The following CSNK1G1 variants were observed in gnomAD, a reference collection of about 807,000 sequenced individuals.
The protein encoded by CSNK1G1 is casein kinase 1 gamma 1, also known as casein kinase I isoform gamma-1.
Under a neutral mutation model 59.6 loss-of-function variants are expected in CSNK1G1, and 22 were observed. The ratio of observed to expected loss-of-function variants is 0.37; its 90% CI spans 0.26 to 0.53. The LOEUF (loss-of-function observed/expected upper bound fraction) is 0.53. Among genes scored for constraint, CSNK1G1 ranks in the 20% least tolerant of loss-of-function variants. CSNK1G1 has a pLI of 0.89. For synonymous variants in CSNK1G1, 179 were observed against 177.1 expected (o/e 1.01, Z -0.08); for missense variants, 384 against 519.5 (o/e 0.74, Z 2.54).
intron 1 of CSNK1G1, among the ~76,000 whole-genome samples, chr15:64,348,736 G>A (rs1233922676): frequency 6.6e-6 from 1 of 152,152 alleles, no homozygotes; most frequent in Non-Finnish European, 1.5e-5. Flanking sequence ...AAGCTAAAAT[G>A]AGATCTGGTG....
chr15:64,286,814 T>C (rs1207712315), intron 2 of CSNK1G1, among the ~76,000 whole-genome samples: 1 of 152,202 alleles, frequency 6.6e-6, no homozygotes, highest in African/African-American at 2.4e-5. Flanking sequence ...AATAGTATAA[T>C]ATTAAACTTC....
chr15:64,348,613 A>T (rs1898102281), intron 1 of CSNK1G1, among the ~76,000 whole-genome samples: 2 of 152,208 alleles, frequency 1.3e-5, no homozygotes, highest in South Asian at 4.1e-4. Flanking sequence ...TCCTGGCATT[A>T]GTCATTTCTC....
intron 1 of CSNK1G1, among the ~76,000 whole-genome samples, chr15:64,354,176 G>C (rs182139139): frequency 6.6e-6 from 1 of 152,080 alleles, no homozygotes; most frequent in East Asian, 1.9e-4. Context: ...GTAGTGGCAG[G>C]CGCCTGTGAT....
intron 10 of CSNK1G1, among the ~76,000 whole-genome samples, chr15:64,201,633 C>T (rs534298706): frequency 2.0e-5 from 3 of 152,006 alleles, no homozygotes; most frequent in Non-Finnish European, 4.4e-5. Context: ...TTCTTACCCA[C>T]CAAACCACAT....
At position 64,176,153 on chromosome 15, in the gene CSNK1G1, G is replaced by C; in HGVS notation, c.1215-4168C>G. On this transcript the variant is annotated intron_variant, in intron 11 of 11. Transcript: ENST00000303052. This position sits in a 1 kb window ranked among gnomAD's most constrained non-coding sequence, Gnocchi z 5.2. ...CCCAGTCAGGGTGGTTATGGCACAA[G>C]GAGTCCTATGGAAGCTATTTAATGT... The C allele has an allele frequency of 2.5e-6, 1 of 398,208 alleles. No individual in the cohort carries two copies. 24.7% of individuals were successfully genotyped at this position (398,208 alleles called of 1,614,324 possible).
chr15:64,184,256 T>G (rs1227310315), intron 10 of CSNK1G1, among the ~76,000 whole-genome samples: 1 of 151,788 alleles, frequency 6.6e-6, no homozygotes, highest in Non-Finnish European at 1.5e-5. Flanking sequence ...TGAGCAGAGA[T>G]CATGCCACTG....
At chr15:64,336,038 C>T (rs2140466407) in intron 1 of CSNK1G1, among the ~76,000 whole-genome samples, 1 of 152,234 alleles carries the variant, frequency 6.6e-6, no homozygotes, top group Middle Eastern at 3.4e-3. Context: ...CATCTTAATT[C>T]ATATATCCAT....
chr15:64,198,239 G>A (rs60011406), intron 10 of CSNK1G1, among the ~76,000 whole-genome samples: 7 of 134,182 alleles, frequency 5.2e-5, no homozygotes, highest in African/African-American at 1.2e-4. Flanking sequence ...CTGCTGCCCC[G>A]GCTGGAGTGC....
At chr15:64,348,946 A>G (rs778015076) in intron 1 of CSNK1G1, among the ~76,000 whole-genome samples, 5 of 152,066 alleles carry the variant, frequency 3.3e-5, no homozygotes, top group Non-Finnish European at 7.4e-5. Flanking sequence ...AGCCTGGCCA[A>G]CGTGGTGAAA....
intron 11 of CSNK1G1, among the ~76,000 whole-genome samples, chr15:64,177,187 A>G (rs768921954): frequency 6.6e-6 from 1 of 152,150 alleles, no homozygotes; most frequent in African/African-American, 2.4e-5. Context: ...CAAAATCAAA[A>G]GCCTGAAAGT....
At chr15:64,354,343 AT>A (rs1276246580) in intron 1 of CSNK1G1, among the ~76,000 whole-genome samples, 4 of 152,086 alleles carry the variant, frequency 2.6e-5, no homozygotes, top group African/African-American at 9.7e-5. Context: ...AGTACCTTCT[AT>A]TTTACACCCC....
At chr15:64,311,017 A>G (rs985322799) in intron 1 of CSNK1G1, among the ~76,000 whole-genome samples, 2 of 151,172 alleles carry the variant, frequency 1.3e-5, no homozygotes, top group Non-Finnish European at 2.9e-5. Context: ...AAAAAAAAAA[A>G]AGGAAAAAAG....
intron 1 of CSNK1G1, among the ~76,000 whole-genome samples, chr15:64,321,248 TC>T (rs1187804483): frequency 6.6e-6 from 1 of 151,798 alleles, no homozygotes; most frequent in Non-Finnish European, 1.5e-5. Context: ...GCATTTTTTT[TC>T]TTTTTTTCCT....
At chr15:64,193,663 C>T (rs2082003055) in intron 10 of CSNK1G1, among the ~76,000 whole-genome samples, 2 of 152,082 alleles carry the variant, frequency 1.3e-5, no homozygotes, top group Admixed American at 1.3e-4. Flanking sequence ...GTTTAAAAAT[C>T]ACTGACAACA....
chr15:64,216,613 G>T lies in CSNK1G1; in HGVS notation c.393C>A (p.Leu131=). 1.9e-6 allele frequency: 3 copies of T among 1,613,970 alleles called. No individual in the cohort carries two copies. The highest frequency in any genetic ancestry group is 1.1e-5 in the South Asian group (1 of 91,072). ...TCTTCAAAGTAAATGTTCGGTCACA[G>T]AGGTCAAACAAGTCCTCCAAGCTAG... ...LGPSLEDLFD[L]CDRTFTLKTV... The change falls in exon 5 of 12, where the codon CTC becomes CTA. Residue 131 remains leucine (L), a synonymous_variant. Transcript: ENST00000303052. This position sits in a 1 kb window ranked among gnomAD's most constrained non-coding sequence, Gnocchi z 4.6.
intron 3 of CSNK1G1, among the ~76,000 whole-genome samples, chr15:64,258,383 CA>C (rs11364241): frequency 0.22 from 27,680 of 124,526 alleles, 3,461 homozygotes; most frequent in African/African-American, 0.41. Flanking sequence ...ACCCTGTCTC[CA>C]AAAAAAAAAA....
intron 2 of CSNK1G1, among the ~76,000 whole-genome samples, chr15:64,280,395 TG>T (rs1894060066): frequency 6.6e-6 from 1 of 151,992 alleles, no homozygotes; most frequent in African/African-American, 2.4e-5. Context: ...TTTTTTTTTT[TG>T]TTTGTATTGT....
intron 4 of CSNK1G1, among the ~76,000 whole-genome samples, chr15:64,225,661 G>A (rs1002382763): frequency 4.0e-5 from 6 of 151,746 alleles, no homozygotes; most frequent in South Asian, 4.2e-4. Context: ...AGTTTCACTC[G>A]TGTCGCCCAG....
At chr15:64,280,526 A>G (rs1468125635) in intron 2 of CSNK1G1, among the ~76,000 whole-genome samples, 1 of 151,926 alleles carries the variant, frequency 6.6e-6, no homozygotes, top group Non-Finnish European at 1.5e-5. Flanking sequence ...TAGCCCGGCT[A>G]ATTTTTTGTA....
Sources: gnomAD v4.1 joint callset for allele counts (sites outside exome capture counted in the v4.1 genomes callset) on GRCh38, gnomAD v4.1.1 for gene constraint, Gnocchi (gnomAD v3.1) non-coding constraint, MANE v1.5 for transcripts, NCBI Gene and HGNC (gene_info 2026-07-23, HGNC 2026-07-21) for gene names.